The following MSRA variants were observed in gnomAD, a reference collection of about 807,000 sequenced individuals.
The protein encoded by MSRA is mitochondrial peptide methionine sulfoxide reductase.
MSRA carries 54 observed loss-of-function variants against 31.3 expected under a neutral mutation model. That is an observed-to-expected ratio of 1.73 (90% CI 1.39 to 2.17). The LOEUF (loss-of-function observed/expected upper bound fraction) is 2.17, where lower values mean the gene tolerates loss of function less well. Ranked by LOEUF, MSRA falls within the 30% of genes most tolerant of loss-of-function variation. The pLI is 0.00. For missense variants in MSRA, 507 were observed against 300.9 expected, an observed-to-expected ratio of 1.69 and a Z score of -5.07; for synonymous variants, 169 against 116.5, an observed-to-expected ratio of 1.45 and a Z score of -2.90.
chr8:10,329,815 T>C (rs1369844612), intron 5 of MSRA, among the ~76,000 whole-genome samples: 2 of 151,366 alleles, frequency 1.3e-5, no homozygotes, highest in African/African-American at 4.9e-5. Flanking sequence ...TGATTTCCTC[T>C]CTCGGGGGTC....
intron 1 of MSRA, among the ~76,000 whole-genome samples, chr8:10,151,817 G>T (rs568464929): frequency 2.6e-5 from 4 of 152,124 alleles, no homozygotes; most frequent in Non-Finnish European, 5.9e-5. Context: ...CTTATTCTGC[G>T]TGTGTCACTT....
chr8:10,264,157 C>A (rs1373674712), intron 3 of MSRA, among the ~76,000 whole-genome samples: 3 of 152,170 alleles, frequency 2.0e-5, no homozygotes, highest in African/African-American at 7.2e-5. Context: ...CTTGTAGAAG[C>A]CAGTCTTTTT....
intron 5 of MSRA, among the ~76,000 whole-genome samples, chr8:10,362,773 C>A (rs1398888030): frequency 2.0e-5 from 3 of 152,054 alleles, no homozygotes; most frequent in African/African-American, 7.3e-5. Context: ...CCTTCCTGGC[C>A]GTTAGTCCCT....
intron 5 of MSRA, among the ~76,000 whole-genome samples, chr8:10,405,719 A>T (rs1807763501): frequency 6.6e-6 from 1 of 152,238 alleles, no homozygotes; most frequent in Non-Finnish European, 1.5e-5. Context: ...CCATGTGCTC[A>T]CACACACAAT....
intron 3 of MSRA, among the ~76,000 whole-genome samples, chr8:10,248,755 C>G (rs369489960): frequency 6.6e-6 from 1 of 152,148 alleles, no homozygotes; most frequent in Non-Finnish European, 1.5e-5. Flanking sequence ...GTGTGCCCAT[C>G]GTGGGCTCAC....
intron 1 of MSRA, among the ~76,000 whole-genome samples, chr8:10,075,093 G>C (rs568230285): frequency 4.6e-5 from 7 of 152,136 alleles, no homozygotes; most frequent in South Asian, 4.1e-4. Context: ...ATTATTTGAA[G>C]ACTTCATATA....
At chr8:10,114,012 T>A (rs781638765) in intron 1 of MSRA, among the ~76,000 whole-genome samples, 2 of 152,212 alleles carry the variant, frequency 1.3e-5, no homozygotes. Context: ...ACTTTTTGTC[T>A]ATGGATTTGT....
chr8:10,317,348 G>T (rs988275762), intron 4 of MSRA, among the ~76,000 whole-genome samples: 6 of 152,196 alleles, frequency 3.9e-5, no homozygotes, highest in Non-Finnish European at 8.8e-5. Context: ...GGTACCCAAA[G>T]ATGAGCTGAG....
At chr8:10,069,304 G>C (rs1038654545) in intron 1 of MSRA, among the ~76,000 whole-genome samples, 2 of 152,128 alleles carry the variant, frequency 1.3e-5, no homozygotes, top group Non-Finnish European at 2.9e-5. Flanking sequence ...TGCTGAATAG[G>C]AGTAGTAATA....
intron 2 of MSRA, among the ~76,000 whole-genome samples, chr8:10,235,111 A>T (rs1811838547): frequency 7.9e-6 from 1 of 126,214 alleles, no homozygotes; most frequent in Non-Finnish European, 1.7e-5. Flanking sequence ...AAACACATAG[A>T]GAGAAATTTT....
intron 5 of MSRA, among the ~76,000 whole-genome samples, chr8:10,357,454 C>T (rs974608334): frequency 2.0e-5 from 3 of 152,190 alleles, no homozygotes; most frequent in Non-Finnish European, 4.4e-5. Flanking sequence ...CATGGATTTA[C>T]ACACATTTGA....
At chr8:10,178,831 CTG>C (rs1266595390) in intron 1 of MSRA, among the ~76,000 whole-genome samples, 1 of 152,144 alleles carries the variant, frequency 6.6e-6, no homozygotes, top group Non-Finnish European at 1.5e-5. Flanking sequence ...AATAAAATAA[CTG>C]TTGTTTCCTG....
chr8:10,148,385 T>C (rs925271091), intron 1 of MSRA, among the ~76,000 whole-genome samples: 31 of 151,856 alleles, frequency 2.0e-4, no homozygotes, highest in Non-Finnish European at 4.4e-5. Context: ...CGGTGGCTCA[T>C]GCCTGTAATC....
intron 5 of MSRA, among the ~76,000 whole-genome samples, chr8:10,330,206 TACACAC>T (rs58184031): frequency 1.4e-5 from 2 of 148,146 alleles, no homozygotes; most frequent in African/African-American, 2.5e-5. Flanking sequence ...AAATGTGATA[TACACAC>T]ACACACACAC....
intron 5 of MSRA, among the ~76,000 whole-genome samples, chr8:10,374,834 C>T (rs916683414): frequency 2.0e-5 from 3 of 152,134 alleles, no homozygotes; most frequent in South Asian, 4.2e-4. Flanking sequence ...GACATTGGCT[C>T]GTGGAGGCAG....
chr8:10,416,607 A>G (rs938842365), intron 5 of MSRA, among the ~76,000 whole-genome samples: 2 of 152,158 alleles, frequency 1.3e-5, no homozygotes, highest in Non-Finnish European at 2.9e-5. Flanking sequence ...CTCACAGCTT[A>G]CTGGCCAAAG....
At chr8:10,172,844 G>A (rs1281738416) in intron 1 of MSRA, among the ~76,000 whole-genome samples, 1 of 152,204 alleles carries the variant, frequency 6.6e-6, no homozygotes, top group Non-Finnish European at 1.5e-5. Context: ...AACCGATTAT[G>A]TGCCACGCAT....
At chr8:10,159,550 A>G (rs1804461755) in intron 1 of MSRA, among the ~76,000 whole-genome samples, 1 of 152,230 alleles carries the variant, frequency 6.6e-6, no homozygotes, top group Admixed American at 6.5e-5. Context: ...TTTACTCAAT[A>G]TGGAATACAG....
intron 1 of MSRA, among the ~76,000 whole-genome samples, chr8:10,142,127 T>A (rs1206423952): frequency 6.6e-6 from 1 of 152,094 alleles, no homozygotes; most frequent in East Asian, 1.9e-4. Flanking sequence ...GCCAGCTAAT[T>A]TTGTGTTTTT....
Sources: gnomAD v4.1 joint callset for allele counts (sites outside exome capture counted in the v4.1 genomes callset) on GRCh38, gnomAD v4.1.1 for gene constraint, MANE v1.5 for transcripts, NCBI Gene and HGNC (gene_info 2026-07-23, HGNC 2026-07-21) for gene names.